PLCB1: variants seen among roughly 807,000 people sequenced by gnomAD.
PLCB1 encodes the protein 1-phosphatidylinositol 4,5-bisphosphate phosphodiesterase beta-1.
A neutral mutation model predicts 161.8 loss-of-function variants in PLCB1; 46 were observed. The observed-to-expected ratio is 0.28, with a 90% CI of 0.22 to 0.36. The LOEUF (loss-of-function observed/expected upper bound fraction) is 0.36. Among genes scored for constraint, PLCB1 ranks in the 10% least tolerant of loss-of-function variants. The probability of loss-of-function intolerance (pLI) is 1.00; values close to 1 mark genes in which losing one functional copy is unlikely to be tolerated. For missense variants in PLCB1, 1,016 were observed against 1,472.5 expected (o/e 0.69, Z 5.07); for synonymous variants, 517 against 503.7 (o/e 1.03, Z -0.35).
chr20:8,378,158 G>A (rs1208104927), intron 3 of PLCB1, among the ~76,000 whole-genome samples: 2 of 152,184 alleles, frequency 1.3e-5, no homozygotes, highest in African/African-American at 2.4e-5. Flanking sequence ...CACTTACAAT[G>A]GAATATTGTT....
At chr20:8,137,255 A>G (rs1214392042) in intron 1 of PLCB1, among the ~76,000 whole-genome samples, 2 of 152,236 alleles carry the variant, frequency 1.3e-5, no homozygotes, top group African/African-American at 4.8e-5. Flanking sequence ...CAAGTAAATG[A>G]TGACAAGATG....
chr20:8,261,056 C>T (rs911082858), intron 2 of PLCB1, among the ~76,000 whole-genome samples: 10 of 152,104 alleles, frequency 6.6e-5, no homozygotes, highest in African/African-American at 4.8e-5. Flanking sequence ...TCCAAGGGAT[C>T]GGGTGGGGAC....
At chr20:8,253,592 T>C (rs1981264623) in intron 2 of PLCB1, among the ~76,000 whole-genome samples, 1 of 152,040 alleles carries the variant, frequency 6.6e-6, no homozygotes. Flanking sequence ...AGTTGATATC[T>C]AGCAGTGTCT....
chr20:8,500,107 A>G (rs1479579184), intron 3 of PLCB1, among the ~76,000 whole-genome samples: 2 of 152,218 alleles, frequency 1.3e-5, no homozygotes, highest in Non-Finnish European at 2.9e-5. Context: ...ACTAAACTGT[A>G]TCCAGTATTT....
At chr20:8,444,964 A>T (rs1293958273) in intron 3 of PLCB1, among the ~76,000 whole-genome samples, 2 of 151,962 alleles carry the variant, frequency 1.3e-5, no homozygotes, top group East Asian at 3.9e-4. Context: ...TCAGATAAGT[A>T]GATTGCAAAA....
chr20:8,607,624 C>T lies in PLCB1; in HGVS notation c.247-20670C>T, dbSNP rs188812143. Among the ~76,000 whole-genome samples, 20 of 152,262 alleles carry T rather than the reference C, an allele frequency of 1.3e-4. No homozygotes were observed. The East Asian group carries it at 3.3e-3, about 25-fold the overall frequency. The stretch of plus-strand genomic sequence containing the variant: ...TTTTTCTTTTATCTAATGTTCCTAC[C>T]CCAATCCACTCATTATTTTACCTTA... On this transcript the variant is annotated intron_variant, in intron 3 of 31. Coordinates refer to ENST00000338037, the MANE Select transcript of PLCB1 (RefSeq NM_015192.4).
intron 3 of PLCB1, among the ~76,000 whole-genome samples, chr20:8,535,329 T>A (rs535676494): frequency 2.4e-4 from 36 of 151,580 alleles, no homozygotes; most frequent in African/African-American, 8.2e-4. Flanking sequence ...ATTAAACATA[T>A]CTACATCTGT....
chr20:8,838,977 C>T (rs555855898), intron 31 of PLCB1, among the ~76,000 whole-genome samples: 5 of 152,318 alleles, frequency 3.3e-5, no homozygotes, highest in East Asian at 1.9e-4. Context: ...ACACCTACAC[C>T]GTCCTACATA....
At chr20:8,840,445 C>G (rs765429493) in intron 31 of PLCB1, among the ~76,000 whole-genome samples, 21 of 152,142 alleles carry the variant, frequency 1.4e-4, no homozygotes, top group South Asian at 2.1e-4. Flanking sequence ...TCTGAGGAAG[C>G]TACACAGTAG....
intron 3 of PLCB1, among the ~76,000 whole-genome samples, chr20:8,541,446 A>G (rs1308678744): frequency 1.3e-5 from 2 of 152,120 alleles, no homozygotes; most frequent in East Asian, 1.9e-4. Flanking sequence ...TTCTGGGCAC[A>G]TGGAAGTTCT....
chr20:8,605,357 T>C (rs1047912200), intron 3 of PLCB1, among the ~76,000 whole-genome samples: 2 of 152,134 alleles, frequency 1.3e-5, no homozygotes, highest in African/African-American at 4.8e-5. Flanking sequence ...ATATAGTATT[T>C]CCACTTATAG....
At chr20:8,562,483 G>A (rs948060291) in intron 3 of PLCB1, among the ~76,000 whole-genome samples, 12 of 152,028 alleles carry the variant, frequency 7.9e-5, no homozygotes, top group African/African-American at 1.9e-4. Flanking sequence ...GCAGAAAGCC[G>A]GTTAAGTGTT....
At chr20:8,136,850 G>A (rs186149032) in intron 1 of PLCB1, among the ~76,000 whole-genome samples, 5 of 152,180 alleles carry the variant, frequency 3.3e-5, no homozygotes, top group Non-Finnish European at 7.4e-5. Context: ...AAATAAGTAC[G>A]TAATTTAGAG....
chr20:8,491,870 C>G (rs1982960471), intron 3 of PLCB1, among the ~76,000 whole-genome samples: 2 of 152,094 alleles, frequency 1.3e-5, no homozygotes, highest in Non-Finnish European at 2.9e-5. Flanking sequence ...GATCACTGTC[C>G]TTTGTTACCT....
Position 8,808,354 on chromosome 20 carries a change from C to CAG in PLCB1, c.3423+18106_3423+18107dup, listed in dbSNP as rs141575876. ...CAGATGGCCTTTCTATGCACATGCA[C>CAG]AGAGAGAGAGAGAGCGCATGCACAC... On this transcript the variant is annotated intron_variant, in intron 31 of 31. Coordinates refer to ENST00000338037, the MANE Select transcript of PLCB1 (RefSeq NM_015192.4). Among the ~76,000 whole-genome samples the CAG allele has an allele frequency of 8.4e-4, 128 of 151,516 alleles. 1 individual carries two copies. Among genetic ancestry groups the CAG allele is most frequent in the African/African-American group, 1.3e-3 (54 of 41,394 alleles).
chr20:8,684,162 G>T (rs576633662), intron 9 of PLCB1, among the ~76,000 whole-genome samples: 2 of 151,914 alleles, frequency 1.3e-5, no homozygotes, highest in Non-Finnish European at 2.9e-5. Context: ...GGGATTACAG[G>T]CGTGAGCCAC....
In PLCB1 at chr20:8,231,564, ATGAT is replaced by A. The variant is rs1980039528; in HGVS notation, c.177+81199_177+81202del. On this transcript the variant is annotated intron_variant, in intron 2 of 31. Coordinates refer to ENST00000338037, the MANE Select transcript of PLCB1 (RefSeq NM_015192.4). Reference sequence around the variant, plus strand: ...CTATGTTGGTATACATGCTGAATGAATGATTGATTAGGAAATCTGTTGTCAGCAG... The same window carrying A: ...CTATGTTGGTATACATGCTGAATGAATGATTAGGAAATCTGTTGTCAGCAG... Among the ~76,000 whole-genome samples the A allele has an allele frequency of 1.3e-5, 2 of 152,168 alleles. 1 individual carries two copies. Among genetic ancestry groups the A allele is most frequent in the South Asian group, 4.1e-4 (2 of 4,828 alleles).
chr20:8,516,383 C>A (rs531539006), intron 3 of PLCB1, among the ~76,000 whole-genome samples: 4 of 152,160 alleles, frequency 2.6e-5, no homozygotes, highest in Admixed American at 6.5e-5. Context: ...ATTTTGCCCA[C>A]AATGAGGCCA....
intron 11 of PLCB1, among the ~76,000 whole-genome samples, chr20:8,702,449 A>G (rs1978420808): frequency 6.6e-6 from 1 of 152,232 alleles, no homozygotes; most frequent in Non-Finnish European, 1.5e-5. Flanking sequence ...TGAGGAAAAC[A>G]TATTAAATTA....
Sources: gnomAD v4.1 joint callset for allele counts (sites outside exome capture counted in the v4.1 genomes callset) on GRCh38, gnomAD v4.1.1 for gene constraint, MANE v1.5 for transcripts, NCBI Gene and HGNC (gene_info 2026-07-23, HGNC 2026-07-21) for gene names.